SCAF4: variants seen among roughly 807,000 people sequenced by gnomAD.
The protein encoded by SCAF4 is SR-related CTD associated factor 4, also known as SR-related and CTD-associated factor 4.
Under a neutral mutation model 129.8 loss-of-function variants are expected in SCAF4, and 25 were observed. The ratio of observed to expected loss-of-function variants is 0.19; its 90% CI spans 0.14 to 0.27. The LOEUF (loss-of-function observed/expected upper bound fraction) is 0.27. Ranked by LOEUF, SCAF4 falls within the 10% of genes least tolerant of loss-of-function variation. The pLI, the probability that SCAF4 is intolerant of heterozygous loss-of-function variation, is 1.00. For missense variants in SCAF4, 1,246 were observed against 1,457.1 expected (o/e 0.86, Z 2.36); for synonymous variants, 551 against 497.7 (o/e 1.11, Z -1.43).
intron 7 of SCAF4, among the ~76,000 whole-genome samples, chr21:31,697,844 G>T (rs542937530): frequency 1.3e-5 from 2 of 152,198 alleles, no homozygotes; most frequent in Non-Finnish European, 2.9e-5. Context: ...GTAGTTCTAG[G>T]CCAAGTGAGT....
intron 19 of SCAF4, among the ~76,000 whole-genome samples, chr21:31,672,791 T>C (rs962005021): frequency 2.0e-5 from 3 of 152,128 alleles, no homozygotes; most frequent in African/African-American, 7.2e-5. Flanking sequence ...CCCCGTCTTA[T>C]TACTAGAAAA....
At chr21:31,725,315 T>C (rs1318239595) in intron 1 of SCAF4, among the ~76,000 whole-genome samples, 1 of 152,268 alleles carries the variant, frequency 6.6e-6, no homozygotes. Flanking sequence ...AACTAAATTC[T>C]AGAAGACAAT....
Position 31,682,442 on chromosome 21 carries a change from AGTAAT to A in SCAF4, c.2488+2602_2488+2606del, listed in dbSNP as rs2050018875. Among the ~76,000 whole-genome samples the A allele has an allele frequency of 2.0e-5, 3 of 152,324 alleles. No homozygotes were observed. The South Asian group carries it at 6.2e-4, about 32-fold the overall frequency. ...ACAGTTTAAAACGAATCACAGATGA[AGTAAT>A]GTAATTTTAGAATTGCAAAAGATAT... On this transcript the variant is annotated intron_variant, in intron 19 of 19. Coordinates refer to ENST00000286835, the MANE Select transcript of SCAF4 (RefSeq NM_020706.2).
At position 31,702,387 on chromosome 21, in the gene SCAF4, G is replaced by A. The variant is rs201050474; in HGVS notation, c.322-8C>T. 7.5e-6 allele frequency: 12 copies of A among 1,610,734 alleles called. No individual in the cohort carries two copies. The highest frequency in any genetic ancestry group is 4.5e-5 in the East Asian group (2 of 44,800). On this transcript the variant is annotated splice_region_variant and splice_polypyrimidine_tract_variant and intron_variant, in intron 4 of 19. Transcript: ENST00000286835. Reference sequence around the variant, plus strand: ...CACACGAACTATTTTACTCTGTTACGCATGAGAAACACAAATATACAATAA... The same window carrying A: ...CACACGAACTATTTTACTCTGTTACACATGAGAAACACAAATATACAATAA...
In SCAF4 at chr21:31,709,272, C is replaced by A. The variant is rs77512079; in HGVS notation, c.31-2915G>T. ...CATTTTCTAATGATTTTGTAACATA[C>A]AAACTGACTCTTTTCCCTTCCCTTC... On this transcript the variant is annotated intron_variant, in intron 1 of 19. Coordinates refer to ENST00000286835, the MANE Select transcript of SCAF4 (RefSeq NM_020706.2). Among the ~76,000 whole-genome samples the A allele has an allele frequency of 5.9e-3, 890 of 150,622 alleles. 2 individuals carry two copies. The highest frequency in any genetic ancestry group is 0.011 in the South Asian group (53 of 4,768).
At position 31,731,892 on chromosome 21, in the gene SCAF4, C is replaced by CGCCA; in HGVS notation, c.-201_-200insTGGC. The CGCCA allele has an allele frequency of 2.0e-6, 1 of 511,748 alleles. No homozygotes were observed. Among genetic ancestry groups the CGCCA allele is most frequent in the Non-Finnish European group, 3.4e-6 (1 of 298,090 alleles). 31.7% of individuals were successfully genotyped at this position (511,748 alleles called of 1,614,324 possible). A position where few individuals can be genotyped will look rare whatever the true frequency, so the allele number is the denominator to read the frequency against. ...GGCAGAGGCGGAGAGGTGGCGGGCC[C>CGCCA]CCTCTCAGTCCCGTTCGCAGGATGA... is the stretch of plus-strand genomic sequence containing the variant. On this transcript the variant is annotated 5_prime_UTR_variant, in exon 1 of 20. Coordinates refer to ENST00000286835, the MANE Select transcript of SCAF4 (RefSeq NM_020706.2).
intron 1 of SCAF4, chr21:31,712,973 G>A (rs4477995): frequency 2.5e-4 from 130 of 529,866 alleles, no homozygotes; most frequent in South Asian, 6.5e-4. Flanking sequence ...ACCAATCCCC[G>A]ACTTTTGTTT....
At chr21:31,691,089 A>C in intron 14 of SCAF4, 136 bp from the exon 15 acceptor site, 79 of 605,272 alleles carry the variant, frequency 1.3e-4, no homozygotes, top group Middle Eastern at 2.8e-4. Context: ...CTTGGATCTC[A>C]TTCAAAGCCT....
chr21:31,692,515 TA>T, intron 12 of SCAF4, 66 bp from the exon 13 acceptor site: 2 of 1,013,376 alleles, frequency 2.0e-6, no homozygotes, highest in Non-Finnish European at 3.0e-6. Context: ...TAGCTTACAT[TA>T]AAAAATCATT....
intron 1 of SCAF4, among the ~76,000 whole-genome samples, chr21:31,717,368 A>G (rs1871193509): frequency 6.6e-6 from 1 of 152,196 alleles, no homozygotes; most frequent in Non-Finnish European, 1.5e-5. Flanking sequence ...TGGAGGAGAA[A>G]AAAAGACAAA....
intron 1 of SCAF4, among the ~76,000 whole-genome samples, chr21:31,716,087 AAGAATT>A (rs1601259178): frequency 6.6e-6 from 1 of 152,166 alleles, no homozygotes; most frequent in African/African-American, 2.4e-5. Flanking sequence ...CCGAGGCAAT[AAGAATT>A]AGAAGACTAT....
At chr21:31,689,756 C>T (rs2050214311) in intron 15 of SCAF4, among the ~76,000 whole-genome samples, 1 of 151,120 alleles carries the variant, frequency 6.6e-6, no homozygotes, top group South Asian at 2.1e-4. Flanking sequence ...TGGTGAAACC[C>T]CTTCTCTACT....
intron 1 of SCAF4, among the ~76,000 whole-genome samples, chr21:31,723,375 C>T (rs1043474941): frequency 2.0e-5 from 3 of 151,966 alleles, no homozygotes; most frequent in East Asian, 1.9e-4. Context: ...ATTGCTTGAA[C>T]CCAGGAAACG....
intron 1 of SCAF4, among the ~76,000 whole-genome samples, chr21:31,731,216 C>T (rs1375797970): frequency 6.6e-6 from 1 of 152,106 alleles, no homozygotes; most frequent in Non-Finnish European, 1.5e-5. Context: ...CTCCGCCAGC[C>T]CCACGACCGG....
At chr21:31,713,864 G>C (rs76314366) in intron 1 of SCAF4, among the ~76,000 whole-genome samples, 3,168 of 152,092 alleles carry the variant, frequency 0.021, 114 homozygotes, top group African/African-American at 0.073. Context: ...CAGATTCAAA[G>C]ATAATTCAGT....
chr21:31,679,245 A>C (rs537983030), intron 19 of SCAF4, among the ~76,000 whole-genome samples: 1 of 152,186 alleles, frequency 6.6e-6, no homozygotes, highest in African/African-American at 2.4e-5. Flanking sequence ...CTTTGCATGA[A>C]CTAAACATGA....
chr21:31,730,884 A>T (rs1215603518), intron 1 of SCAF4, among the ~76,000 whole-genome samples: 1 of 152,192 alleles, frequency 6.6e-6, no homozygotes, highest in African/African-American at 2.4e-5. Context: ...GGAGCCGAGG[A>T]TTAACTACCT....
At chr21:31,724,276 C>T (rs533680534) in intron 1 of SCAF4, among the ~76,000 whole-genome samples, 14 of 152,316 alleles carry the variant, frequency 9.2e-5, no homozygotes, top group African/African-American at 3.1e-4. Flanking sequence ...AAGCTCTCAA[C>T]AGATCCTGGT....
intron 1 of SCAF4, among the ~76,000 whole-genome samples, chr21:31,719,577 G>A (rs996631313): frequency 7.9e-5 from 12 of 151,800 alleles, no homozygotes; most frequent in East Asian, 3.9e-4. Flanking sequence ...TGATCTCAGC[G>A]CACCACAACC....
Sources: gnomAD v4.1 joint callset for allele counts (sites outside exome capture counted in the v4.1 genomes callset) on GRCh38, gnomAD v4.1.1 for gene constraint, MANE v1.5 for transcripts, NCBI Gene and HGNC (gene_info 2026-07-23, HGNC 2026-07-21) for gene names.